The following TTC6 variants were observed in gnomAD, a reference collection of about 807,000 sequenced individuals.
The protein encoded by TTC6 is tetratricopeptide repeat protein 6.
TTC6 carries 172 observed loss-of-function variants against 210.4 expected under a neutral mutation model. That is an observed-to-expected ratio of 0.82 (90% CI 0.72 to 0.93). The LOEUF is 0.93. Among genes scored for constraint, TTC6 ranks in the 40% least tolerant of loss-of-function variants. TTC6 has a pLI of 0.00. For missense variants in TTC6, 2,414 were observed against 2,318.1 expected, an observed-to-expected ratio of 1.04 and a Z score of -0.85; for synonymous variants, 804 against 819.6, an observed-to-expected ratio of 0.98 and a Z score of 0.32.
chr14:37,789,597 T>TAC lies in TTC6; in HGVS notation c.3437-1119_3437-1118insCA, dbSNP rs1491506763. ...GGTGTTGGGACATTTGGTTTCCTCT[T>TAC]ATATATATATATATATATATTGTAT... On this transcript the variant is annotated intron_variant, in intron 15 of 30. Transcript: ENST00000553443. 0.01 allele frequency among the ~76,000 whole-genome samples: 4 copies of TAC among 396 alleles called. No homozygotes were observed. In the East Asian group the frequency reaches 0.5, roughly 50 times the overall value. The allele number at this position is 396 out of a possible 152,430, so 0.3% of individuals were successfully genotyped here. A position where few individuals can be genotyped will look rare whatever the true frequency, so the allele number is the denominator to read the frequency against.
intron 1 of TTC6, among the ~76,000 whole-genome samples, chr14:37,640,832 C>T (rs561554176): frequency 6.6e-6 from 1 of 152,264 alleles, no homozygotes; most frequent in East Asian, 1.9e-4. Flanking sequence ...CATGAGCCAT[C>T]GCACCTAGCC....
intron 11 of TTC6, 86 bp downstream of exon 13, chr14:37,749,487 A>C: frequency 1.5e-6 from 2 of 1,313,318 alleles, no homozygotes; most frequent in African/African-American, 3.0e-5. Flanking sequence ...ATTTTGAACA[A>C]TGAATGTTTA....
At chr14:37,692,899 A>G (rs2095806595) in intron 3 of TTC6, among the ~76,000 whole-genome samples, 1 of 130,258 alleles carries the variant, frequency 7.7e-6, no homozygotes, top group South Asian at 2.3e-4. Context: ...AAATAAATAA[A>G]TAAATCCCAA....
intron 1 of TTC6, among the ~76,000 whole-genome samples, chr14:37,665,993 A>G (rs566477060): frequency 1.3e-5 from 2 of 150,772 alleles, no homozygotes; most frequent in South Asian, 4.2e-4. Context: ...TGGGAGCTAA[A>G]TGAATATAGG....
chr14:37,741,623 A>G (rs1182452677), intron 10 of TTC6, among the ~76,000 whole-genome samples: 1 of 152,102 alleles, frequency 6.6e-6, no homozygotes, highest in Non-Finnish European at 1.5e-5. Flanking sequence ...TAATTCACAG[A>G]TGTGCTTCTT....
chr14:37,757,472 A>G (rs2095971552), intron 14 of TTC6, among the ~76,000 whole-genome samples: 2 of 151,826 alleles, frequency 1.3e-5, no homozygotes, highest in South Asian at 4.2e-4. Context: ...ATGGGGTTTC[A>G]CCGTGTTAGT....
chr14:37,842,120 A>C (rs1315658726), intron 30 of TTC6, 35 bp from the exon 33 acceptor site: 1 of 1,456,814 alleles, frequency 6.9e-7, no homozygotes, highest in East Asian at 2.6e-5. Flanking sequence ...TTTGAGTGCC[A>C]ACTTAAATAT....
chr14:37,770,766 G>C (rs2096015593), intron 14 of TTC6, among the ~76,000 whole-genome samples: 1 of 147,558 alleles, frequency 6.8e-6, no homozygotes, highest in South Asian at 2.2e-4. Context: ...CAATTTGCCA[G>C]TCTGTGTCTT....
intron 10 of TTC6, among the ~76,000 whole-genome samples, chr14:37,743,616 C>A (rs775826745): frequency 2.6e-5 from 4 of 152,084 alleles, no homozygotes; most frequent in Non-Finnish European, 5.9e-5. Context: ...TATAAAGAAA[C>A]CTTGAAATTA....
intron 2 of TTC6, among the ~76,000 whole-genome samples, chr14:37,607,565 A>G (rs1453975710): frequency 2.6e-5 from 4 of 152,196 alleles, no homozygotes; most frequent in Non-Finnish European, 4.4e-5. Context: ...TCTATGTAGG[A>G]AAAGTTCATG....
intron 26 of TTC6, among the ~76,000 whole-genome samples, chr14:37,820,855 GTCT>G (rs1447365572): frequency 7.9e-5 from 12 of 151,848 alleles, no homozygotes; most frequent in East Asian, 1.9e-4. Context: ...AGGCAAAGTG[GTCT>G]TCTTCTTCTT....
At chr14:37,655,805 G>T (rs965336624) in intron 1 of TTC6, among the ~76,000 whole-genome samples, 2 of 151,532 alleles carry the variant, frequency 1.3e-5, no homozygotes, top group African/African-American at 4.9e-5. Flanking sequence ...TACAAAATCA[G>T]TCTTCTTTGT....
At chr14:37,622,417 G>A (rs1258929043) in exon 1 of TTC6, 4 of 1,531,864 alleles carry the variant, frequency 2.6e-6, no homozygotes, top group East Asian at 2.5e-5. Flanking sequence ...TTTCGCCCCC[G>A]GGACTTTTAC....
In TTC6 at chr14:37,598,382, C is replaced by T. The variant is rs946916766; in HGVS notation, c.-235+2374C>T. ...GGGCGGGCTCCTCAAGTGGGGGATC[C>T]GCGGCAGTGAGGACTGTAGGGTGCG... On this transcript the variant is annotated intron_variant, in intron 1 of 2. Coordinates refer to the TTC6 transcript ENST00000556845. This position sits in a 1 kb window ranked among gnomAD's most constrained non-coding sequence, Gnocchi z 4.9. Among the ~76,000 whole-genome samples, 2 of 152,156 alleles carry T rather than the reference C, an allele frequency of 1.3e-5. No homozygotes were observed. Among genetic ancestry groups the T allele is most frequent in the African/African-American group, 4.8e-5 (2 of 41,448 alleles).
chr14:37,603,655 A>G lies in TTC6; in HGVS notation c.-234-3008A>G, dbSNP rs567698376. ...AGACCAACCTGTCCTCCCAATTTCC[A>G]AGCCCAGGCAAAGCCTCCTCAGCGA... On this transcript the variant is annotated intron_variant, in intron 1 of 2. Transcript: ENST00000556845. 2.2e-4 allele frequency among the ~76,000 whole-genome samples: 33 copies of G among 152,298 alleles called. 1 individual carries two copies. In the South Asian group the frequency reaches 2.3e-3, roughly 11 times the overall value.
intron 14 of TTC6, among the ~76,000 whole-genome samples, chr14:37,759,949 C>G (rs926865876): frequency 6.6e-6 from 1 of 152,176 alleles, no homozygotes; most frequent in Admixed American, 6.5e-5. Flanking sequence ...TTAGAATATG[C>G]TCCTTCAGCT....
chr14:37,810,223 G>A (rs1262305270), intron 24 of TTC6, among the ~76,000 whole-genome samples: 2 of 152,040 alleles, frequency 1.3e-5, no homozygotes, highest in Non-Finnish European at 2.9e-5. Context: ...TCATTTATTA[G>A]AGTGACCTAC....
intron 1 of TTC6, among the ~76,000 whole-genome samples, chr14:37,677,045 G>A (rs1055037261): frequency 5.9e-5 from 9 of 151,922 alleles, no homozygotes; most frequent in Non-Finnish European, 7.4e-5. Context: ...CTATTCAGGG[G>A]AACTTTCAAT....
intron 7 of TTC6, among the ~76,000 whole-genome samples, chr14:37,732,782 TA>T (rs2095891168): frequency 8.6e-6 from 1 of 116,748 alleles, no homozygotes. Flanking sequence ...CACGCCCAGC[TA>T]ATTTTTTTGT....
Sources: gnomAD v4.1 joint callset for allele counts (sites outside exome capture counted in the v4.1 genomes callset) on GRCh38, gnomAD v4.1.1 for gene constraint, Gnocchi (gnomAD v3.1) non-coding constraint, MANE v1.5 for transcripts, NCBI Gene and HGNC (gene_info 2026-07-23, HGNC 2026-07-21) for gene names.